Variants in ATF7IP observed in about 807,000 individuals in gnomAD.
ATF7IP encodes activating transcription factor 7 interacting protein.
In ATF7IP, 23 loss-of-function variants were observed where a neutral mutation model predicts 106.4. The observed-to-expected ratio is 0.22, with a 90% CI of 0.16 to 0.31. The LOEUF is 0.31. Ranked by LOEUF, ATF7IP falls within the 10% of genes least tolerant of loss-of-function variation. The probability of loss-of-function intolerance (pLI) is 1.00; values close to 1 mark genes in which losing one functional copy is unlikely to be tolerated. For missense variants in ATF7IP, 1,334 were observed against 1,524.3 expected (o/e 0.88, Z 2.08); for synonymous variants, 542 against 539.0 (o/e 1.01, Z -0.08).
At chr12:14,494,325 A>G (rs1224516227) in intron 13 of ATF7IP, among the ~76,000 whole-genome samples, 5,055 of 83,378 alleles carry the variant, frequency 0.061, 354 homozygotes, top group Admixed American at 0.15. Context: ...ATATATATAT[A>G]TATATATATG....
intron 6 of ATF7IP, among the ~76,000 whole-genome samples, chr12:14,451,762 C>G (rs1943211478): frequency 6.6e-6 from 1 of 151,970 alleles, no homozygotes; most frequent in Admixed American, 6.6e-5. Flanking sequence ...TTGTTAAGAC[C>G]TGGGTTGTGA....
chr12:14,494,331 A>ATGTGTGTGTGTGTGTG (rs1207326378), intron 13 of ATF7IP, among the ~76,000 whole-genome samples: 1 of 90,614 alleles, frequency 1.1e-5, no homozygotes, highest in Admixed American at 1.3e-4. Flanking sequence ...ATATATATAT[A>ATGTGTGTGTGTGTGTG]TATGTGTGTG....
intron 1 of ATF7IP, among the ~76,000 whole-genome samples, chr12:14,368,525 A>G (rs1042868797): frequency 2.6e-5 from 4 of 152,172 alleles, no homozygotes; most frequent in Non-Finnish European, 4.4e-5. Flanking sequence ...ATAATGCTAC[A>G]GTGAACGTTC....
At chr12:14,454,900 C>T (rs1366682011) in intron 6 of ATF7IP, among the ~76,000 whole-genome samples, 1 of 152,050 alleles carries the variant, frequency 6.6e-6, no homozygotes, top group Admixed American at 6.6e-5. Flanking sequence ...CAATGATGGC[C>T]AGGCACAGTA....
chr12:14,465,341 A>G (rs1943788896), intron 9 of ATF7IP, among the ~76,000 whole-genome samples: 1 of 152,072 alleles, frequency 6.6e-6, no homozygotes, highest in African/African-American at 2.4e-5. Flanking sequence ...TTCAAATGCA[A>G]ATGAATGTAT....
chr12:14,384,383 C>CTTTCAAATTTGTCTTGCTA (rs1234019377), intron 1 of ATF7IP, among the ~76,000 whole-genome samples: 2 of 152,150 alleles, frequency 1.3e-5, no homozygotes, highest in Non-Finnish European at 2.9e-5. Flanking sequence ...TGTTGGAGCT[C>CTTTCAAATTTGTCTTGCTA]TTTCAAATTT....
chr12:14,435,040 A>G (rs1207423151), intron 3 of ATF7IP, among the ~76,000 whole-genome samples: 1 of 151,720 alleles, frequency 6.6e-6, no homozygotes, highest in Non-Finnish European at 1.5e-5. Context: ...GTGAGCAATG[A>G]TTGAGCCACT....
intron 1 of ATF7IP, among the ~76,000 whole-genome samples, chr12:14,411,002 C>G (rs969609774): frequency 6.6e-6 from 1 of 152,112 alleles, no homozygotes; most frequent in African/African-American, 2.4e-5. Flanking sequence ...TATGGATATA[C>G]CACATTTTAT....
intron 7 of ATF7IP, 47 bp downstream of exon 7, chr12:14,456,681 T>C: frequency 1.5e-6 from 2 of 1,335,964 alleles, no homozygotes; most frequent in Non-Finnish European, 2.1e-6. Flanking sequence ...AACAAAGTTC[T>C]ACTTTCTTTA....
Position 14,424,674 on chromosome 12 carries a change from T to G in ATF7IP, c.759T>G (p.Asp253Glu). Residue 253 changes from aspartate (D) to glutamate (E), a missense_variant, in exon 2 of 15, where the codon GAT (aspartate) becomes GAG (glutamate). Transcript: ENST00000261168. ...CTTCCACTGATCCAGCCTCTGATGA[T>G]CTGGCCTCTGGTGATCTATCCTCTA... ...APASTDPASDDLASGDLSSSE... is the reference protein window; with the variant it reads ...APASTDPASDELASGDLSSSE... 1.9e-6 allele frequency: 3 copies of G among 1,613,930 alleles called. No individual in the cohort carries two copies. Among genetic ancestry groups the G allele is most frequent in the Non-Finnish European group, 2.5e-6 (3 of 1,179,968 alleles).
chr12:14,495,041 A>G (rs1238698501), intron 13 of ATF7IP, among the ~76,000 whole-genome samples: 2 of 151,794 alleles, frequency 1.3e-5, no homozygotes, highest in East Asian at 3.9e-4. Context: ...CCAATGTTCC[A>G]GGGCAGGAAG....
At chr12:14,495,067 A>G (rs966217498) in intron 13 of ATF7IP, among the ~76,000 whole-genome samples, 1 of 152,310 alleles carries the variant, frequency 6.6e-6, no homozygotes, top group African/African-American at 2.4e-5. Context: ...AGCACAGGAA[A>G]AAGATGTAGG....
intron 13 of ATF7IP, among the ~76,000 whole-genome samples, chr12:14,489,945 C>T (rs1293814687): frequency 6.6e-6 from 1 of 152,172 alleles, no homozygotes; most frequent in Non-Finnish European, 1.5e-5. Flanking sequence ...GAAACCTCTT[C>T]CCTTTCCATG....
At chr12:14,490,971 T>C (rs1944797401) in intron 13 of ATF7IP, among the ~76,000 whole-genome samples, 2 of 152,178 alleles carry the variant, frequency 1.3e-5, no homozygotes, top group Admixed American at 1.3e-4. Context: ...GGCCAAGAGC[T>C]GTCTCTCAAA....
chr12:14,406,670 T>G (rs903838454), intron 1 of ATF7IP, among the ~76,000 whole-genome samples: 2 of 150,180 alleles, frequency 1.3e-5, no homozygotes, highest in African/African-American at 2.4e-5. Flanking sequence ...TATGGGTTTT[T>G]TTTTTTTTTT....
chr12:14,374,727 C>G (rs75917057), intron 1 of ATF7IP, among the ~76,000 whole-genome samples: 2,564 of 152,094 alleles, frequency 0.017, 71 homozygotes, highest in African/African-American at 0.059. Context: ...TAGGAGAACT[C>G]TTAATAGCTC....
intron 2 of ATF7IP, among the ~76,000 whole-genome samples, chr12:14,425,803 C>G (rs1941812386): frequency 6.6e-6 from 1 of 152,196 alleles, no homozygotes; most frequent in African/African-American, 2.4e-5. Context: ...TTCTTTCTTG[C>G]TATCACTTAG....
chr12:14,371,112 A>G (rs1938517443), intron 1 of ATF7IP, among the ~76,000 whole-genome samples: 1 of 151,994 alleles, frequency 6.6e-6, no homozygotes, highest in South Asian at 2.1e-4. Flanking sequence ...ATTGCATTGA[A>G]AAAGATTATC....
chr12:14,460,580 A>T lies in ATF7IP; in HGVS notation c.2244A>T (p.Thr748=), dbSNP rs927762213. The T allele has an allele frequency of 2.0e-5, 32 of 1,614,100 alleles. No homozygotes were observed. Among genetic ancestry groups the T allele is most frequent in the Admixed American group, 5.0e-5 (3 of 60,002 alleles). ...CTCCAGTGACTTCGGGTTCCCTCAC[A>T]GCAACGTCAGTTCTTCCTGCACCCA... ...LQTPVTSGSL[T]ATSVLPAPNT... is the part of the protein sequence containing the mutation. The change falls in exon 9 of 15, where the codon ACA becomes ACT. Residue 748 remains threonine, a synonymous_variant. Transcript: ENST00000261168.
Sources: allele counts gnomAD v4.1 joint callset (sites outside exome capture counted in the v4.1 genomes callset), GRCh38; gene constraint gnomAD v4.1.1; transcripts MANE v1.5; gene names NCBI Gene and HGNC (gene_info 2026-07-23, HGNC 2026-07-21).